Variants in GSTA2 observed in about 807,000 individuals in gnomAD.
GSTA2 encodes the protein glutathione S-transferase alpha 2, also known as glutathione S-transferase A2.
A neutral mutation model predicts 22.4 loss-of-function variants in GSTA2; 27 were observed. The observed-to-expected ratio is 1.21, with a 90% CI of 0.89 to 1.67. GSTA2 has a LOEUF of 1.67. Among genes scored for constraint, GSTA2 ranks in the 40% most tolerant of loss-of-function variants. GSTA2 has a pLI of 0.00. For synonymous variants in GSTA2, 121 were observed against 86.8 expected (o/e 1.39, Z -2.19); for missense variants, 302 against 260.2 (o/e 1.16, Z -1.11).
intron 5 of GSTA2, among the ~76,000 whole-genome samples, chr6:52,752,411 C>G (rs187492449): frequency 1.2e-4 from 19 of 152,224 alleles, no homozygotes; most frequent in Non-Finnish European, 2.6e-4. Flanking sequence ...AATACTGATC[C>G]CTGAAACACT....
At chr6:52,762,148 A>G (rs1404300620) in intron 1 of GSTA2, among the ~76,000 whole-genome samples, 1 of 152,202 alleles carries the variant, frequency 6.6e-6, no homozygotes, top group Non-Finnish European at 1.5e-5. Context: ...ACCTCTGCCT[A>G]GGAAAGCCAG....
intron 3 of GSTA2, among the ~76,000 whole-genome samples, chr6:52,756,048 C>T (rs1762836582): frequency 6.6e-6 from 1 of 152,140 alleles, no homozygotes; most frequent in Non-Finnish European, 1.5e-5. Flanking sequence ...GTTCCTCTAG[C>T]AAATACTCTG....
intron 4 of GSTA2, among the ~76,000 whole-genome samples, chr6:52,754,190 T>C (rs1435837144): frequency 6.6e-6 from 1 of 152,258 alleles, no homozygotes; most frequent in African/African-American, 2.4e-5. Flanking sequence ...ATTATTCACT[T>C]ATGTAAAATA....
chr6:52,751,684 A>G lies in GSTA2; in HGVS notation c.439T>C (p.Tyr147His). 3 of 1,614,140 alleles carry G rather than the reference A, an allele frequency of 1.9e-6. No individual in the cohort carries two copies. The highest frequency in any genetic ancestry group is 2.5e-6 in the Non-Finnish European group (3 of 1,180,002). The change falls in exon 6 of 7, where the codon TAC (tyrosine) becomes CAC (histidine). Residue 147 changes from tyrosine to histidine, a missense_variant. Tyr to His is a moderately conservative substitution (Grantham distance 83). Transcript: ENST00000493422. ...EKVLKSHGQD[Y>H]LVGNKLSRAD... ...CGGCTCAGCTTGTTGCCAACAAGGT[A>G]GTCTTGTCCGTGGCTCTTTAAGACC... is the stretch of plus-strand genomic sequence containing the variant.
intron 2 of GSTA2, among the ~76,000 whole-genome samples, chr6:52,756,939 G>A (rs1447654389): frequency 6.6e-6 from 1 of 150,612 alleles, no homozygotes; most frequent in Non-Finnish European, 1.5e-5. Flanking sequence ...AAAACCTCTG[G>A]TTTCTGATGT....
intron 1 of GSTA2, among the ~76,000 whole-genome samples, chr6:52,762,432 C>A (rs192697171): frequency 6.6e-6 from 1 of 152,156 alleles, no homozygotes; most frequent in Non-Finnish European, 1.5e-5. Flanking sequence ...GACATGCTGG[C>A]GGCAATACTG....
At position 52,751,760 on chromosome 6, in the gene GSTA2, C is replaced by A. The variant is rs758234851; in HGVS notation, c.415-52G>T. On this transcript the variant is annotated intron_variant, in intron 5 of 6. Transcript: ENST00000493422. ...GAACACATGCCCACCCAGGCTGGGA[C>A]CCCTGCTTCTTTCAGAGCCTCTCCA... The A allele has an allele frequency of 7.4e-6, 12 of 1,613,356 alleles. No individual in the cohort carries two copies. In the South Asian group the frequency reaches 1.1e-4, roughly 15 times the overall value.
rs111843018 is a variant in GSTA2 at position 52,759,575 on chromosome 6, T to G, written c.-30-1598A>C. On this transcript the variant is annotated intron_variant, in intron 1 of 6. Transcript: ENST00000493422. ...AATGTATTTATTTGTTTTTTTTTTT[T>G]TTTTTTTTTTTTTTTTTTTTTTTTT... Among the ~76,000 whole-genome samples, 164 of 106,190 alleles carry G rather than the reference T, an allele frequency of 1.5e-3. 1 individual carries two copies. Among genetic ancestry groups the G allele is most frequent in the African/African-American group, 2.3e-3 (52 of 22,642 alleles). 69.7% of individuals were successfully genotyped at this position (106,190 alleles called of 152,430 possible). A position where few individuals can be genotyped will look rare whatever the true frequency, so the allele number is the denominator to read the frequency against.
At chr6:52,758,671 A>G (rs1434162844) in intron 1 of GSTA2, among the ~76,000 whole-genome samples, 1 of 152,202 alleles carries the variant, frequency 6.6e-6, no homozygotes, top group African/African-American at 2.4e-5. Flanking sequence ...AACTGTAGCT[A>G]GAAGATCCAA....
intron 3 of GSTA2, 88 bp downstream of exon 3, chr6:52,756,170 A>G: frequency 1.2e-6 from 1 of 827,152 alleles, no homozygotes; most frequent in Non-Finnish European, 2.1e-6. Flanking sequence ...ACCATGCCCC[A>G]CACCCATAGA....
At chr6:52,755,888 A>G (rs1307312154) in intron 3 of GSTA2, among the ~76,000 whole-genome samples, 1 of 152,158 alleles carries the variant, frequency 6.6e-6, no homozygotes, top group African/African-American at 2.4e-5. Flanking sequence ...GACAGTGGCC[A>G]CATCTATTCC....
intron 1 of GSTA2, among the ~76,000 whole-genome samples, chr6:52,759,563 GTTTTTTTTTTTTTTT>G (rs70977382): frequency 1.2e-3 from 42 of 34,196 alleles, no homozygotes; most frequent in African/African-American, 2.9e-3. Flanking sequence ...GTATTTATTT[GTTTTTTTTTTTTTTT>G]TTTTTTTTTT....
In GSTA2 at chr6:52,752,921, TC is replaced by T. The variant is rs1414418283; in HGVS notation, c.346del (p.Glu116AsnfsTer8). ...GATCAAGGCAAGCTTGGCATCTTGT[TC>T]CTCAGGTTGACTAAAGGGCAGAAGA... is the stretch of plus-strand genomic sequence containing the variant. ...ILLLPFSQPE[E>X]QDAKLALIQE... On this transcript the variant is annotated frameshift_variant, in exon 5 of 7. Coordinates refer to ENST00000493422, the MANE Select transcript of GSTA2 (RefSeq NM_000846.5). LOFTEE classifies it high-confidence loss of function. The T allele has an allele frequency of 2.5e-6, 4 of 1,613,960 alleles. No homozygotes were observed. Among genetic ancestry groups the T allele is most frequent in the Non-Finnish European group, 3.4e-6 (4 of 1,179,958 alleles).
chr6:52,756,311 T>C lies in GSTA2; in HGVS notation c.88-2A>G, dbSNP rs747974454. 2.5e-6 allele frequency: 4 copies of C among 1,598,538 alleles called. No homozygotes were observed. The highest frequency in any genetic ancestry group is 2.7e-5 in the African/African-American group (2 of 74,584). On this transcript the variant is annotated splice_acceptor_variant, in intron 2 of 6. Transcript: ENST00000493422. LOFTEE classifies it high-confidence loss of function. ...AGATTTTATAAATTTCTCTTCAAACTGGAAGCAGAAACAGTAAATATGTTC... is the reference window on the plus strand; with the variant it reads ...AGATTTTATAAATTTCTCTTCAAACCGGAAGCAGAAACAGTAAATATGTTC...
chr6:52,760,515 G>A (rs899007717), intron 1 of GSTA2, among the ~76,000 whole-genome samples: 2 of 152,084 alleles, frequency 1.3e-5, no homozygotes, highest in African/African-American at 2.4e-5. Context: ...CTGGGAAATG[G>A]CTCCTATTAT....
At position 52,760,739 on chromosome 6, in the gene GSTA2, G is replaced by A. The variant is rs570393417; in HGVS notation, c.-31+2705C>T. Among the ~76,000 whole-genome samples the A allele has an allele frequency of 9.2e-5, 14 of 152,168 alleles. 1 individual carries two copies. Among genetic ancestry groups the A allele is most frequent in the South Asian group, 6.2e-4 (3 of 4,826 alleles). ...GCCAAATAAATGTTGGAAGGAGAGG[G>A]CGAGAGGGGAACATCTAATTCCTGA... is the stretch of plus-strand genomic sequence containing the variant. On this transcript the variant is annotated intron_variant, in intron 1 of 6. Transcript: ENST00000493422.
rs1762741898 is a variant in GSTA2 at position 52,751,680 on chromosome 6, A to G, written c.443T>C (p.Leu148Pro). The change falls in exon 6 of 7, where the codon CTT becomes CCT. Residue 148 changes from leucine (L) to proline (P), a missense_variant. By Grantham distance (98) the Leu-to-Pro change is moderately conservative. Transcript: ENST00000493422. Reference protein sequence around the residue: ...KVLKSHGQDYLVGNKLSRADI... With the variant: ...KVLKSHGQDYPVGNKLSRADI... ...AGCCCGGCTCAGCTTGTTGCCAACA[A>G]GGTAGTCTTGTCCGTGGCTCTTTAA... 1.9e-6 allele frequency: 3 copies of G among 1,614,036 alleles called. No homozygotes were observed. Among genetic ancestry groups the G allele is most frequent in the Non-Finnish European group, 2.5e-6 (3 of 1,180,006 alleles).
At chr6:52,751,130 G>T (rs1177697073) in intron 6 of GSTA2, among the ~76,000 whole-genome samples, 3 of 152,110 alleles carry the variant, frequency 2.0e-5, no homozygotes, top group Admixed American at 6.5e-5. Flanking sequence ...GAGATACATT[G>T]TCGGGGGCAG....
rs762917334 is a variant in GSTA2 at position 52,755,069 on chromosome 6, T to C, written c.146A>G (p.Tyr49Cys). ...CATTGGCACTTGCTGGAACATCAAATATCCATCTTTAAGAGGAAGAAAAAA... is the reference window on the plus strand; with the variant it reads ...CATTGGCACTTGCTGGAACATCAAACATCCATCTTTAAGAGGAAGAAAAAA... Reference protein sequence around the residue: ...EDLDKLRNDGYLMFQQVPMVE... With the variant: ...EDLDKLRNDGCLMFQQVPMVE... The change falls in exon 4 of 7, where the codon TAT (tyrosine) becomes TGT (cysteine). Residue 49 changes from tyrosine to cysteine, a missense_variant. Transcript: ENST00000493422. The C allele has an allele frequency of 1.2e-6, 2 of 1,613,862 alleles. No homozygotes were observed. Among genetic ancestry groups the C allele is most frequent in the East Asian group, 2.2e-5 (1 of 44,874 alleles).
Sources: allele counts gnomAD v4.1 joint callset (sites outside exome capture counted in the v4.1 genomes callset), GRCh38; gene constraint gnomAD v4.1.1; transcripts MANE v1.5; gene names NCBI Gene and HGNC (gene_info 2026-07-23, HGNC 2026-07-21).